Variants in LOC400499 observed in about 807,000 individuals in gnomAD.
At chr16:11,452,981 G>C in the LOC400499 span, among the ~76,000 whole-genome samples, 1 of 152,150 alleles carries the variant, frequency 6.6e-6, no homozygotes, top group African/African-American at 2.4e-5. Context: ...AGGGCTTCTA[G>C]TCATTTTAGT....
chr16:11,446,501 G>C, the LOC400499 span: 61 of 1,504,960 alleles, frequency 4.1e-5, no homozygotes, highest in Non-Finnish European at 5.3e-5. Flanking sequence ...ACAGCAACTT[G>C]AACCAGGGCT....
At chr16:11,406,830 C>T in the LOC400499 span, among the ~76,000 whole-genome samples, 1 of 152,204 alleles carries the variant, frequency 6.6e-6, no homozygotes, top group African/African-American at 2.4e-5. Context: ...TCTAAATAAG[C>T]TCCTTGGTCA....
the LOC400499 span, chr16:11,460,647 G>T: frequency 6.7e-7 from 1 of 1,492,778 alleles, no homozygotes; most frequent in Non-Finnish European, 8.9e-7. Context: ...GCCCTCCTCT[G>T]CCAGGCAGCC....
the LOC400499 span, among the ~76,000 whole-genome samples, chr16:11,411,549 C>A: frequency 4.6e-5 from 7 of 152,332 alleles, no homozygotes; most frequent in African/African-American, 1.7e-4. Context: ...AGATTTGAGT[C>A]CTGGCTTGGC....
At chr16:11,484,933 G>C in the LOC400499 span, 16 of 399,520 alleles carry the variant, frequency 4.0e-5, no homozygotes, top group Middle Eastern at 1.9e-3. Context: ...ACTCGGGGCT[G>C]GCTGGCTGTG....
At chr16:11,482,625 T>A in the LOC400499 span, among the ~76,000 whole-genome samples, 1 of 152,152 alleles carries the variant, frequency 6.6e-6, no homozygotes, top group Non-Finnish European at 1.5e-5. Context: ...CCATGGTGGG[T>A]CACACCTGTA....
chr16:11,495,616 G>C, the LOC400499 span, among the ~76,000 whole-genome samples: 1 of 152,126 alleles, frequency 6.6e-6, no homozygotes, highest in East Asian at 1.9e-4. Flanking sequence ...CTGACCTCAA[G>C]TGATCTGCCC....
chr16:11,394,287 G>C, the LOC400499 span, among the ~76,000 whole-genome samples: 1 of 152,224 alleles, frequency 6.6e-6, no homozygotes, highest in Non-Finnish European at 1.5e-5. Flanking sequence ...GGCGAGTCTA[G>C]AATGGGGTGG....
chr16:11,503,367 T>A, the LOC400499 span, among the ~76,000 whole-genome samples: 1 of 152,142 alleles, frequency 6.6e-6, no homozygotes, highest in African/African-American at 2.4e-5. Context: ...AGATGTTTAG[T>A]TTGGAAAACC....
At chr16:11,409,317 T>C in the LOC400499 span, among the ~76,000 whole-genome samples, 1 of 151,082 alleles carries the variant, frequency 6.6e-6, no homozygotes, top group Non-Finnish European at 1.5e-5. Flanking sequence ...TAAGGAAGGG[T>C]AGGGTGTAGA....
At chr16:11,510,057 G>C in the LOC400499 span, among the ~76,000 whole-genome samples, 1 of 151,426 alleles carries the variant, frequency 6.6e-6, no homozygotes, top group Non-Finnish European at 1.5e-5. Context: ...TCCTGTGACT[G>C]CTTCCTAATA....
At chr16:11,387,450 T>A in the LOC400499 span, among the ~76,000 whole-genome samples, 1 of 152,032 alleles carries the variant, frequency 6.6e-6, no homozygotes, top group Admixed American at 6.5e-5. Flanking sequence ...GGAAATCCCA[T>A]CATGAGGTGG....
chr16:11,404,794 G>A, the LOC400499 span: 1 of 399,052 alleles, frequency 2.5e-6, no homozygotes, highest in Non-Finnish European at 4.4e-6. Context: ...AGCACCACCT[G>A]GCGCAGGACA....
chr16:11,392,812 A>G, the LOC400499 span: 1 of 982,648 alleles, frequency 1.0e-6, no homozygotes, highest in South Asian at 4.7e-5. Flanking sequence ...CTGAGACCAC[A>G]GGAACACATC....
chr16:11,386,245 G>C, the LOC400499 span, among the ~76,000 whole-genome samples: 2 of 152,302 alleles, frequency 1.3e-5, no homozygotes, highest in South Asian at 4.1e-4. Context: ...CCTGAGCTGT[G>C]GCTTGGGGGT....
the LOC400499 span, chr16:11,446,790 G>A: frequency 1.3e-6 from 2 of 1,536,114 alleles, no homozygotes. Flanking sequence ...TGGTCTGCAG[G>A]GTTTCCTCTC....
chr16:11,423,965 G>A, the LOC400499 span: 1 of 398,012 alleles, frequency 2.5e-6, no homozygotes, highest in South Asian at 1.4e-4. Flanking sequence ...CTCCAGGGCT[G>A]CGCGGAGCTG....
At chr16:11,389,031 G>A in the LOC400499 span, among the ~76,000 whole-genome samples, 16 of 152,300 alleles carry the variant, frequency 1.1e-4, no homozygotes, top group Middle Eastern at 3.4e-3. Context: ...AGGTTGCAGT[G>A]AGCTGAGATC....
At chr16:11,514,424 A>G in the LOC400499 span, 1 of 399,136 alleles carries the variant, frequency 2.5e-6, no homozygotes. Context: ...CCTCATCTGC[A>G]CAGCGCTTGC....
Sources: gnomAD v4.1 joint callset for allele counts (sites outside exome capture counted in the v4.1 genomes callset) on GRCh38, gnomAD v4.1.1 for gene constraint, MANE v1.5 for transcripts.